Variants in ZNF778 observed in about 807,000 individuals in gnomAD.
ZNF778 encodes zinc finger protein 778.
ZNF778 carries 37 observed loss-of-function variants against 23.9 expected under a neutral mutation model. That is an observed-to-expected ratio of 1.54 (90% CI 1.19 to 2.03). The LOEUF is 2.03. ZNF778 is among the 30% of genes most tolerant of loss of function. ZNF778 has a pLI of 0.00. For missense variants in ZNF778, 1,297 were observed against 934.4 expected, an observed-to-expected ratio of 1.39 and a Z score of -5.06; for synonymous variants, 483 against 343.9, an observed-to-expected ratio of 1.40 and a Z score of -4.48.
At chr16:89,226,241 T>C (rs996567318) in intron 6 of ZNF778, among the ~76,000 whole-genome samples, 2 of 151,944 alleles carry the variant, frequency 1.3e-5, no homozygotes, top group Admixed American at 1.3e-4. Context: ...GTTTTGCTCT[T>C]GTTGCCCAGG....
rs1567518705 is a variant in ZNF778, at chr16:89,237,092, G to GAT, written c.*8534_*8535dup. On this transcript the variant is annotated 3_prime_UTR_variant, in exon 7 of 7. Transcript: ENST00000433976. ...TGTCTAAAAAAAAAAAGGACAATGA[G>GAT]ATATACTAAAATGGTCCAATATGTT... 4 of 149,114 alleles carry GAT rather than the reference G, an allele frequency of 2.7e-5. No homozygotes were observed. The highest frequency in any genetic ancestry group is 9.9e-5 in the African/African-American group (4 of 40,580). 9.2% of individuals were successfully genotyped at this position (149,114 alleles called of 1,614,324 possible).
Position 89,231,238 on chromosome 16 carries a change from C to G in ZNF778, c.*2676C>G, listed in dbSNP as rs74035758. 0.061 allele frequency: 9,331 copies of G among 152,326 alleles called. 723 individuals carry two copies. The highest frequency in any genetic ancestry group is 0.18 in the African/African-American group (7,404 of 41,510). 9.4% of individuals were successfully genotyped at this position (152,326 alleles called of 1,614,324 possible). A position where few individuals can be genotyped will look rare whatever the true frequency, so the allele number is the denominator to read the frequency against. ...GGGTTGTAGCGGCTCCTGGACTGGT[C>G]TCAGGTGACATCCTGATTGGCTGAA... On this transcript the variant is annotated 3_prime_UTR_variant, in exon 7 of 7. Coordinates refer to ENST00000433976, the MANE Select transcript of ZNF778 (RefSeq NM_001201407.2).
At chr16:89,222,430 C>T (rs2031048243) in intron 3 of ZNF778, among the ~76,000 whole-genome samples, 1 of 152,150 alleles carries the variant, frequency 6.6e-6, no homozygotes, top group African/African-American at 2.4e-5. Context: ...ATGGCCCAAT[C>T]TCGGCTCACT....
chr16:89,234,075 C>CAAGGGGAGCTGCAGAG lies in ZNF778; in HGVS notation c.*5513_*5514insAAGGGGAGCTGCAGAG. ...GCCTCCTGCCCAGCTCTGCAGCTCC[C>CAAGGGGAGCTGCAGAG]CTTGGGCCCTGCCTGGAGTGATGTG... On this transcript the variant is annotated 3_prime_UTR_variant, in exon 7 of 7. Transcript: ENST00000433976. 1 of 640,734 alleles carries CAAGGGGAGCTGCAGAG rather than the reference C, an allele frequency of 1.6e-6. No homozygotes were observed. Among genetic ancestry groups the CAAGGGGAGCTGCAGAG allele is most frequent in the Non-Finnish European group, 2.5e-6 (1 of 395,764 alleles). The allele number at this position is 640,734 out of a possible 1,614,324, so 39.7% of individuals were successfully genotyped here. A position where few individuals can be genotyped will look rare whatever the true frequency, so the allele number is the denominator to read the frequency against.
In ZNF778 at chr16:89,235,720, C is replaced by G. The variant is rs929201117; in HGVS notation, c.*7158C>G. ...ATACCAAATGGCTAACATTCATGAC[C>G]TCAGTATCCTGGAAGAAAAGGAGAA... On this transcript the variant is annotated 3_prime_UTR_variant, in exon 7 of 7. Coordinates refer to ENST00000433976, the MANE Select transcript of ZNF778 (RefSeq NM_001201407.2). The G allele has an allele frequency of 6.6e-6, 1 of 152,150 alleles. No individual in the cohort carries two copies. The highest frequency in any genetic ancestry group is 2.4e-5 in the African/African-American group (1 of 41,420). 9.4% of individuals were successfully genotyped at this position (152,150 alleles called of 1,614,324 possible). A position where few individuals can be genotyped will look rare whatever the true frequency, so the allele number is the denominator to read the frequency against.
chr16:89,228,232 G>T lies in ZNF778; in HGVS notation c.1944G>T (p.Lys648Asn). 1 of 1,614,034 alleles carries T rather than the reference G, an allele frequency of 6.2e-7. No homozygotes were observed. The change falls in exon 7 of 7, where the codon AAG (lysine) becomes AAT (asparagine). Residue 648 changes from lysine to asparagine, a missense_variant. Coordinates refer to ENST00000433976, the MANE Select transcript of ZNF778 (RefSeq NM_001201407.2). Reference sequence around the variant, plus strand: ...CCGGTGAGAAACCCTACATATGTAAGGAGTGTGGGAAAGCCTTTGCTTCCT... The same window carrying T: ...CCGGTGAGAAACCCTACATATGTAATGAGTGTGGGAAAGCCTTTGCTTCCT... The part of the protein sequence containing the change: ...THTGEKPYIC[K>N]ECGKAFASSS...
Position 89,232,739 on chromosome 16 carries a change from A to G in ZNF778, c.*4177A>G, listed in dbSNP as rs2151640585. 1 of 1,283,342 alleles carries G rather than the reference A, an allele frequency of 7.8e-7. No individual in the cohort carries two copies. The highest frequency in any genetic ancestry group is 5.6e-5 in the East Asian group (1 of 17,968). The allele number at this position is 1,283,342 out of a possible 1,614,324, so 79.5% of individuals were successfully genotyped here. A position where few individuals can be genotyped will look rare whatever the true frequency, so the allele number is the denominator to read the frequency against. On this transcript the variant is annotated 3_prime_UTR_variant, in exon 7 of 7. Transcript: ENST00000433976. ...GCTAGATCATTCCTAAAGATGGTAAACAACTTGCTGGAAACATGCACTGCA... is the reference window on the plus strand; with the variant it reads ...GCTAGATCATTCCTAAAGATGGTAAGCAACTTGCTGGAAACATGCACTGCA...
At chr16:89,222,009 G>A in intron 2 of ZNF778, 83 bp from the exon 3 acceptor site, 1 of 921,752 alleles carries the variant, frequency 1.1e-6, no homozygotes, top group Non-Finnish European at 1.7e-6. Context: ...TTCCTGCTAG[G>A]ATGGAATGAC....
chr16:89,229,698 G>A lies in ZNF778; in HGVS notation c.*1136G>A. On this transcript the variant is annotated 3_prime_UTR_variant, in exon 7 of 7. Transcript: ENST00000433976. ...GCGTGAGCAGCGTAGGCTCTGGTTG[G>A]TTAGTCTTGAGGATCCAGATGTGAT... 2.0e-6 allele frequency: 2 copies of A among 982,334 alleles called. No individual in the cohort carries two copies. The highest frequency in any genetic ancestry group is 2.4e-6 in the Non-Finnish European group (2 of 829,546). 60.9% of individuals were successfully genotyped at this position (982,334 alleles called of 1,614,324 possible).
rs1277428820 is a variant in ZNF778 at position 89,222,097 on chromosome 16, C to T, written c.31C>T (p.His11Tyr). Residue 11 changes from histidine to tyrosine, a missense_variant, in exon 3 of 7, where the codon CAT (histidine) becomes TAT (tyrosine). His to Tyr is a moderately conservative substitution (Grantham distance 83). Coordinates refer to ENST00000433976, the MANE Select transcript of ZNF778 (RefSeq NM_001201407.2). MAAPDLAHGGHVSRDSVCLHE... is the reference protein window; with the variant it reads MAAPDLAHGGYVSRDSVCLHE... ...TTGCCTTCTTTGTTTTTTAGGAGGT[C>T]ATGTTTCTAGGGACTCAGTCTGCCT... The T allele has an allele frequency of 1.3e-6, 2 of 1,593,428 alleles. No homozygotes were observed. The highest frequency in any genetic ancestry group is 2.3e-5 in the East Asian group (1 of 43,746).
Position 89,227,027 on chromosome 16 carries a change from C to G in ZNF778, c.739C>G (p.His247Asp). ...ATACCTTCAGGCACGTGCGGGAAGT[C>G]ACAACGGAGAAGAAACATGGAAATG... Reference protein sequence around the residue: ...QSYLQARAGSHNGEETWKWKP... With the variant: ...QSYLQARAGSDNGEETWKWKP... Residue 247 changes from histidine (H) to aspartate (D), a missense_variant, in exon 7 of 7, where the codon CAC becomes GAC. Physicochemically the swap from His to Asp is moderately conservative, Grantham distance 81. Transcript: ENST00000433976. 6.2e-7 allele frequency: 1 copy of G among 1,613,922 alleles called. No individual in the cohort carries two copies. The highest frequency in any genetic ancestry group is 1.1e-5 in the South Asian group (1 of 91,074).
chr16:89,226,687 C>T lies in ZNF778; in HGVS notation c.406-7C>T. On this transcript the variant is annotated splice_region_variant and splice_polypyrimidine_tract_variant and intron_variant, in intron 6 of 6. Transcript: ENST00000433976. ...CCCCCTGACCACCACTCATTCTTCA[C>T]CAACAGGCAAGAAGCCACAATGGAG... 1 of 1,602,962 alleles carries T rather than the reference C, an allele frequency of 6.2e-7. No individual in the cohort carries two copies. Among genetic ancestry groups the T allele is most frequent in the Non-Finnish European group, 8.5e-7 (1 of 1,173,014 alleles).
In ZNF778 at chr16:89,229,203, G is replaced by A; in HGVS notation, c.*641G>A. ...TGAGGACTCAGATGTGATCCTGTGT[G>A]AGCAGTGTAGGCTCTGGTTGGTTAG... On this transcript the variant is annotated 3_prime_UTR_variant, in exon 7 of 7. Coordinates refer to ENST00000433976, the MANE Select transcript of ZNF778 (RefSeq NM_001201407.2). The A allele has an allele frequency of 1.0e-6, 1 of 985,822 alleles. No homozygotes were observed. 61.1% of individuals were successfully genotyped at this position (985,822 alleles called of 1,614,324 possible). A position where few individuals can be genotyped will look rare whatever the true frequency, so the allele number is the denominator to read the frequency against.
intron 1 of ZNF778, among the ~76,000 whole-genome samples, chr16:89,219,211 T>G (rs933340879): frequency 6.6e-6 from 1 of 152,248 alleles, no homozygotes; most frequent in South Asian, 2.1e-4. Flanking sequence ...GTTGGGTATT[T>G]TGGGGACTAA....
At position 89,225,411 on chromosome 16, in the gene ZNF778, C is replaced by G; in HGVS notation, c.329-144C>G. 5.1e-6 allele frequency: 3 copies of G among 590,848 alleles called. No individual in the cohort carries two copies. The South Asian group carries it at 6.1e-5, about 12-fold the overall frequency. 36.6% of individuals were successfully genotyped at this position (590,848 alleles called of 1,614,324 possible). ...TATTTTAAAATCTTCTAAATTATGA[C>G]TCCCAGTTCCTATGATTCCAAATTT... On this transcript the variant is annotated intron_variant, in intron 5 of 6. Coordinates refer to ENST00000433976, the MANE Select transcript of ZNF778 (RefSeq NM_001201407.2).
Position 89,227,858 on chromosome 16 carries a change from A to G in ZNF778, c.1570A>G (p.Met524Val), listed in dbSNP as rs758593415. The G allele has an allele frequency of 1.2e-6, 2 of 1,613,278 alleles. No homozygotes were observed. The highest frequency in any genetic ancestry group is 1.1e-5 in the South Asian group (1 of 90,958). ...FTGRSGLTKH[M>V]RTHTGEKPYE... Reference sequence around the variant, plus strand: ...AGGGCGCTCAGGCCTCACTAAACACATGCGGACACACACCGGGGAGAAGCC... The same window carrying G: ...AGGGCGCTCAGGCCTCACTAAACACGTGCGGACACACACCGGGGAGAAGCC... Residue 524 changes from methionine to valine, a missense_variant, in exon 7 of 7, where the codon ATG becomes GTG. Transcript: ENST00000433976.
chr16:89,225,883 A>G (rs1281622376), intron 6 of ZNF778, among the ~76,000 whole-genome samples: 1 of 150,442 alleles, frequency 6.6e-6, no homozygotes, highest in Non-Finnish European at 1.5e-5. Context: ...GTGCGCACAG[A>G]CTTTTCGAAG....
At chr16:89,224,628 TAA>T in intron 4 of ZNF778, 89 bp from the exon 5 acceptor site, 1 of 958,746 alleles carries the variant, frequency 1.0e-6, no homozygotes. Context: ...CAAAAAATAA[TAA>T]AAAAAAGGAA....
chr16:89,219,915 C>G (rs187508166), intron 1 of ZNF778, among the ~76,000 whole-genome samples: 1 of 152,334 alleles, frequency 6.6e-6, no homozygotes, highest in South Asian at 2.1e-4. Context: ...TTATGTAATC[C>G]AGACTGCTGA....
Sources: gnomAD v4.1 joint callset for allele counts (sites outside exome capture counted in the v4.1 genomes callset) on GRCh38, gnomAD v4.1.1 for gene constraint, MANE v1.5 for transcripts, NCBI Gene and HGNC (gene_info 2026-07-23, HGNC 2026-07-21) for gene names.